CEP350: variants seen among roughly 807,000 people sequenced by gnomAD.
CEP350 encodes the protein centrosome-associated protein 350.
Under a neutral mutation model 331.8 loss-of-function variants are expected in CEP350, and 126 were observed. The ratio of observed to expected loss-of-function variants is 0.38; its 90% CI spans 0.33 to 0.44. CEP350 has a LOEUF of 0.44. CEP350 is among the 20% of genes least tolerant of loss of function. The pLI is 1.00. For synonymous variants in CEP350, 1,200 were observed against 1,259.5 expected (o/e 0.95, Z 1.00); for missense variants, 3,406 against 3,634.6 (o/e 0.94, Z 1.62).
chr1:180,111,004 A>G lies in CEP350; in HGVS notation c.9197A>G (p.Glu3066Gly), dbSNP rs990488564. The G allele has an allele frequency of 9.9e-6, 16 of 1,613,616 alleles. No individual in the cohort carries two copies. In the Admixed American group the frequency reaches 2.0e-4, roughly 20 times the overall value. ...TTGTCTTCTAAATCCTAGGTTCAGG[A>G]GCTCCATGAGGAGGAGGCACAGTGG... ...RDRVDHILVQ[E>G]LHEEEAQWVN... is the part of the protein sequence containing the mutation. Residue 3066 changes from glutamate (E) to glycine (G), a missense_variant, in exon 38 of 38, where the codon GAG becomes GGG. This residue lies in a region of CEP350 where 1,415 missense variants were observed against 1,512.3 expected (regional missense o/e 0.94). Coordinates refer to ENST00000367607, the MANE Select transcript of CEP350 (RefSeq NM_014810.5).
rs892779824 is a variant in CEP350 at position 180,066,572 on chromosome 1, A to G, written c.5567+1300A>G. 4.6e-5 allele frequency among the ~76,000 whole-genome samples: 7 copies of G among 152,342 alleles called. No homozygotes were observed. The South Asian group carries it at 8.3e-4, about 18-fold the overall frequency. Reference sequence around the variant, plus strand: ...CTTCATTGCAAGAACGGCATTTCATAACTTAAAAATACCTAAATTGATTAT... The same window carrying G: ...CTTCATTGCAAGAACGGCATTTCATGACTTAAAAATACCTAAATTGATTAT... On this transcript the variant is annotated intron_variant, in intron 27 of 37. Coordinates refer to ENST00000367607, the MANE Select transcript of CEP350 (RefSeq NM_014810.5).
intron 3 of CEP350, among the ~76,000 whole-genome samples, chr1:179,988,296 CAAA>C (rs532507277): frequency 4.6e-5 from 4 of 86,614 alleles, no homozygotes; most frequent in Non-Finnish European, 2.5e-5. Context: ...GATCCTGTCT[CAAA>C]AAAAAAAAAA....
chr1:180,074,021 C>G, intron 27 of CEP350: 1 of 921,466 alleles, frequency 1.1e-6, no homozygotes, highest in Non-Finnish European at 1.5e-6. Flanking sequence ...CTGGAGGCCT[C>G]TTATCAAATG....
chr1:180,090,352 C>G (rs1389899475), intron 32 of CEP350, among the ~76,000 whole-genome samples: 1 of 151,428 alleles, frequency 6.6e-6, no homozygotes, highest in African/African-American at 2.4e-5. Context: ...CGAGACCATC[C>G]TGGCTAACAC....
chr1:180,011,840 A>C lies in CEP350; in HGVS notation c.1247-89A>C, dbSNP rs1157144111. ...CTTTTGACCTTGACAGATGAACATA[A>C]GATTAATAATAAAACCTGTATGGTT... On this transcript the variant is annotated intron_variant, in intron 8 of 37. Transcript: ENST00000367607. 4.8e-6 allele frequency: 4 copies of C among 841,486 alleles called. No homozygotes were observed. The African/African-American group carries it at 7.1e-5, about 15-fold the overall frequency. 52.1% of individuals were successfully genotyped at this position (841,486 alleles called of 1,614,324 possible). A position where few individuals can be genotyped will look rare whatever the true frequency, so the allele number is the denominator to read the frequency against.
rs374984962 is a variant in CEP350, at chr1:180,077,916, C to G, written c.5768-547C>G. On this transcript the variant is annotated intron_variant, in intron 28 of 37. Coordinates refer to ENST00000367607, the MANE Select transcript of CEP350 (RefSeq NM_014810.5). ...TGGGAGGCCGAGGCGGGTGGATCAC[C>G]TGAGGTCAGAGTTGGAGACCAGCCT... 3.7e-4 allele frequency among the ~76,000 whole-genome samples: 57 copies of G among 152,048 alleles called. 3 individuals are homozygous for G. Among genetic ancestry groups the G allele is most frequent in the East Asian group, 3.7e-3 (19 of 5,172 alleles).
intron 1 of CEP350, among the ~76,000 whole-genome samples, chr1:179,958,425 A>T (rs1444330258): frequency 1.5e-4 from 23 of 152,240 alleles, no homozygotes; most frequent in South Asian, 4.1e-4. Flanking sequence ...TAAATAATTT[A>T]AAAATGTCCT....
At chr1:180,048,449 A>G (rs762311524) in intron 21 of CEP350, 87 bp from the exon 22 acceptor site, 10 of 796,918 alleles carry the variant, frequency 1.3e-5, no homozygotes, top group Non-Finnish European at 2.1e-5. Context: ...TATAAAGTAC[A>G]GTCATTTGGC....
At chr1:180,107,646 T>A (rs1159275288) in intron 37 of CEP350, among the ~76,000 whole-genome samples, 1 of 152,182 alleles carries the variant, frequency 6.6e-6, no homozygotes, top group Non-Finnish European at 1.5e-5. Flanking sequence ...CCAGCCTGGG[T>A]GACAGAGCGA....
intron 1 of CEP350, among the ~76,000 whole-genome samples, chr1:179,975,487 A>G (rs1571801416): frequency 6.6e-6 from 1 of 152,180 alleles, no homozygotes; most frequent in Non-Finnish European, 1.5e-5. Context: ...TGATGCTTTG[A>G]ACAGAGGCAA....
At chr1:180,053,992 T>TATTCC in intron 24 of CEP350, 58 bp downstream of exon 24, 1 of 1,316,762 alleles carries the variant, frequency 7.6e-7, no homozygotes, top group Non-Finnish European at 1.0e-6. Context: ...GAATGCTTTA[T>TATTCC]ATTTTAAGAT....
intron 4 of CEP350, among the ~76,000 whole-genome samples, chr1:179,991,674 T>TG (rs1653087222): frequency 2.0e-5 from 2 of 99,644 alleles, no homozygotes; most frequent in Non-Finnish European, 4.2e-5. Context: ...TATATGTGTG[T>TG]GTGTGTGTGT....
At chr1:179,997,251 G>C in intron 6 of CEP350, 76 bp downstream of exon 6, 1 of 1,475,720 alleles carries the variant, frequency 6.8e-7, no homozygotes. Context: ...TTTGAATAGA[G>C]AGGATCACCT....
chr1:180,014,526 A>G, intron 10 of CEP350, 21 bp downstream of exon 10: 1 of 1,559,694 alleles, frequency 6.4e-7, no homozygotes, highest in Non-Finnish European at 8.6e-7. Context: ...TGACATATAC[A>G]AAGGAGAGTC....
chr1:180,020,949 A>G lies in CEP350; in HGVS notation c.3175A>G (p.Lys1059Glu), dbSNP rs766667891. 6 of 1,600,320 alleles carry G rather than the reference A, an allele frequency of 3.7e-6. No homozygotes were observed. The South Asian group carries it at 4.5e-5, about 12-fold the overall frequency. ...CAAAGGACCATGGGAAGAATTGGCA[A>G]AGGGAAGTCCACATAGCGTCATTAA... ...QSKGPWEELA[K>E]GSPHSVINIF... is the part of the protein sequence containing the mutation. The change falls in exon 12 of 38, where the codon AAG (lysine) becomes GAG (glutamate). Residue 1059 changes from lysine to glutamate, a missense_variant. By Grantham distance (56) the Lys-to-Glu change is moderately conservative. Around this residue, in one of 5 missense-constraint regions of CEP350, gnomAD observed 1,857 missense variants for 1,909.2 expected, o/e 0.97. Coordinates refer to ENST00000367607, the MANE Select transcript of CEP350 (RefSeq NM_014810.5).
Position 180,020,899 on chromosome 1 carries a change from T to G in CEP350, c.3125T>G (p.Phe1042Cys). 1 of 1,613,238 alleles carries G rather than the reference T, an allele frequency of 6.2e-7. No individual in the cohort carries two copies. Among genetic ancestry groups the G allele is most frequent in the Non-Finnish European group, 8.5e-7 (1 of 1,179,838 alleles). ...GAAGCTGAAAAATTCTTGCCACTTT[T>G]TGGGCACATAGGTGGTACACAAAGC... Reference protein sequence around the residue: ...QKEAEKFLPLFGHIGGTQSKG... With the variant: ...QKEAEKFLPLCGHIGGTQSKG... The change falls in exon 12 of 38, where the codon TTT (phenylalanine) becomes TGT (cysteine). Residue 1042 changes from phenylalanine to cysteine, a missense_variant. Physicochemically the swap from Phe to Cys is radical, Grantham distance 205. This residue lies in a region of CEP350 where 1,857 missense variants were observed against 1,909.2 expected (regional missense o/e 0.97). Transcript: ENST00000367607.
intron 17 of CEP350, among the ~76,000 whole-genome samples, chr1:180,037,518 A>T (rs1019885882): frequency 1.3e-5 from 2 of 152,026 alleles, no homozygotes; most frequent in Non-Finnish European, 2.9e-5. Flanking sequence ...GCAAACAAAA[A>T]TCCAGAGATG....
intron 1 of CEP350, among the ~76,000 whole-genome samples, chr1:179,975,996 C>A (rs762274493): frequency 6.6e-6 from 1 of 152,030 alleles, no homozygotes; most frequent in African/African-American, 2.4e-5. Flanking sequence ...GAGAAAAAAA[C>A]AATCAAGAGG....
intron 6 of CEP350, among the ~76,000 whole-genome samples, chr1:179,999,602 C>T (rs1379992981): frequency 6.6e-6 from 1 of 152,036 alleles, no homozygotes; most frequent in Non-Finnish European, 1.5e-5. Context: ...ATAATAAATT[C>T]ATTTTGTTCG....
Sources: gnomAD v4.1 joint callset for allele counts (sites outside exome capture counted in the v4.1 genomes callset) on GRCh38, gnomAD v4.1.1 for gene constraint, gnomAD v4.1.1 regional missense constraint, MANE v1.5 for transcripts, NCBI Gene and HGNC (gene_info 2026-07-23, HGNC 2026-07-21) for gene names.